The following CDH18 variants were observed in gnomAD, a reference collection of about 807,000 sequenced individuals.
CDH18 encodes the protein cadherin-18.
CDH18 carries 31 observed loss-of-function variants against 67.9 expected under a neutral mutation model. The ratio of observed to expected loss-of-function variants is 0.46; its 90% CI spans 0.34 to 0.62. The LOEUF (loss-of-function observed/expected upper bound fraction) is 0.62, where lower values mean the gene tolerates loss of function less well. CDH18 is among the 20% of genes least tolerant of loss of function. The pLI is 0.01. For synonymous variants in CDH18, 362 were observed against 347.2 expected, an observed-to-expected ratio of 1.04 and a Z score of -0.48; for missense variants, 890 against 975.5, an observed-to-expected ratio of 0.91 and a Z score of 1.17.
chr5:20,558,508 T>C (rs571568682), intron 1 of CDH18, among the ~76,000 whole-genome samples: 1 of 152,212 alleles, frequency 6.6e-6, no homozygotes, highest in African/African-American at 2.4e-5. Context: ...TGAACTGGCA[T>C]GAACCCAGGT....
chr5:19,773,939 A>G lies in CDH18; in HGVS notation c.229-26703T>C, dbSNP rs112297177. The stretch of plus-strand genomic sequence containing the variant: ...ACATTTATGAAAAGAGAAGATAAAC[A>G]CATACACCTATGAAAAGGAAAGAAT... On this transcript the variant is annotated intron_variant, in intron 3 of 12. Coordinates refer to ENST00000382275, the MANE Select transcript of CDH18 (RefSeq NM_004934.5). Among the ~76,000 whole-genome samples, 631 of 152,296 alleles carry G rather than the reference A, an allele frequency of 4.1e-3. 2 individuals carry two copies. The highest frequency in any genetic ancestry group is 0.015 in the African/African-American group (610 of 41,560).
intron 1 of CDH18, among the ~76,000 whole-genome samples, chr5:20,510,828 A>G (rs1003571238): frequency 2.0e-5 from 3 of 152,192 alleles, no homozygotes; most frequent in Non-Finnish European, 4.4e-5. Flanking sequence ...GTGTTAATGC[A>G]ATGTTATTAG....
chr5:20,407,907 A>G (rs1746428687), intron 1 of CDH18, among the ~76,000 whole-genome samples: 2 of 152,036 alleles, frequency 1.3e-5, no homozygotes, highest in Admixed American at 6.6e-5. Context: ...CAGAAATCCT[A>G]AAAGACTCTC....
intron 2 of CDH18, among the ~76,000 whole-genome samples, chr5:20,021,850 A>G (rs1738449668): frequency 6.6e-6 from 1 of 152,240 alleles, no homozygotes; most frequent in South Asian, 2.1e-4. Flanking sequence ...AAAATGGAAA[A>G]TAATATCATA....
At chr5:20,299,967 A>C (rs1241645888) in intron 1 of CDH18, among the ~76,000 whole-genome samples, 2 of 152,122 alleles carry the variant, frequency 1.3e-5, no homozygotes, top group Non-Finnish European at 2.9e-5. Flanking sequence ...AATAGGATTT[A>C]GCAAGACAGG....
intron 1 of CDH18, among the ~76,000 whole-genome samples, chr5:20,343,141 G>T (rs925602430): frequency 6.6e-6 from 1 of 152,122 alleles, no homozygotes; most frequent in Admixed American, 6.5e-5. Context: ...ACCATCAAAG[G>T]CAAGGCAAGG....
chr5:20,296,791 T>C (rs1452324209), intron 1 of CDH18, among the ~76,000 whole-genome samples: 1 of 151,866 alleles, frequency 6.6e-6, no homozygotes, highest in Non-Finnish European at 1.5e-5. Flanking sequence ...CTAGAAACCA[T>C]TGTGAGTCTT....
chr5:20,523,457 C>T (rs924486865), intron 1 of CDH18, among the ~76,000 whole-genome samples: 5 of 152,148 alleles, frequency 3.3e-5, no homozygotes, highest in African/African-American at 1.2e-4. Flanking sequence ...CATCAGACAA[C>T]CTGCCTTCAA....
intron 1 of CDH18, among the ~76,000 whole-genome samples, chr5:20,256,366 T>C (rs1727530388): frequency 6.6e-6 from 1 of 152,204 alleles, no homozygotes; most frequent in Non-Finnish European, 1.5e-5. Context: ...ATGTCCTTAG[T>C]TGACAATGTG....
At chr5:20,026,888 T>C (rs1738949485) in intron 2 of CDH18, among the ~76,000 whole-genome samples, 1 of 151,670 alleles carries the variant, frequency 6.6e-6, no homozygotes, top group Non-Finnish European at 1.5e-5. Context: ...ACCCAGGAGG[T>C]GGAGCTTGCA....
chr5:19,678,096 G>C (rs1341359858), intron 5 of CDH18, among the ~76,000 whole-genome samples: 1 of 151,858 alleles, frequency 6.6e-6, no homozygotes, highest in Non-Finnish European at 1.5e-5. Flanking sequence ...AGATATTTGA[G>C]ATCTAAAGAT....
intron 11 of CDH18, among the ~76,000 whole-genome samples, chr5:19,496,148 G>A (rs1742289878): frequency 6.6e-6 from 1 of 152,132 alleles, no homozygotes; most frequent in Admixed American, 6.6e-5. Flanking sequence ...AAAGCTAAAG[G>A]CCACTGTGAG....
chr5:19,518,226 G>T (rs1175343512), intron 10 of CDH18, among the ~76,000 whole-genome samples: 1 of 152,068 alleles, frequency 6.6e-6, no homozygotes. Flanking sequence ...ATGCTTTCAA[G>T]TATAACTTTA....
intron 5 of CDH18, among the ~76,000 whole-genome samples, chr5:19,641,511 T>C (rs909157381): frequency 3.3e-5 from 5 of 152,046 alleles, no homozygotes; most frequent in Non-Finnish European, 5.9e-5. Flanking sequence ...GTGAGATTTA[T>C]CAATTGGTTT....
At chr5:20,106,706 CAAAAT>C (rs1270333843) in intron 2 of CDH18, among the ~76,000 whole-genome samples, 1 of 152,078 alleles carries the variant, frequency 6.6e-6, no homozygotes, top group Non-Finnish European at 1.5e-5. Flanking sequence ...GATTTTATCT[CAAAAT>C]AAAGCTTCAC....
intron 1 of CDH18, among the ~76,000 whole-genome samples, chr5:20,501,505 TTTATATATATTATATACATA>T (rs1400721465): frequency 7.6e-5 from 1 of 13,112 alleles, no homozygotes; most frequent in Non-Finnish European, 2.5e-4. Context: ...ATATACATAT[TTTATATATATTATATACATA>T]TTATATATAT....
intron 2 of CDH18, among the ~76,000 whole-genome samples, chr5:20,146,202 A>G (rs1035284889): frequency 2.0e-5 from 3 of 151,872 alleles, no homozygotes; most frequent in African/African-American, 4.8e-5. Flanking sequence ...TCCTTCCTTA[A>G]CTAGTAGCCT....
intron 1 of CDH18, among the ~76,000 whole-genome samples, chr5:20,486,133 A>G (rs1418217734): frequency 5.3e-5 from 8 of 152,224 alleles, no homozygotes; most frequent in Admixed American, 5.2e-4. Flanking sequence ...TTAAAACCCC[A>G]GTTCTAATTG....
chr5:20,370,539 C>G (rs1378936839), intron 1 of CDH18, among the ~76,000 whole-genome samples: 1 of 152,152 alleles, frequency 6.6e-6, no homozygotes, highest in Non-Finnish European at 1.5e-5. Flanking sequence ...ATTATTCACT[C>G]ACTTACTAAA....
Sources: allele counts gnomAD v4.1 joint callset (sites outside exome capture counted in the v4.1 genomes callset), GRCh38; gene constraint gnomAD v4.1.1; transcripts MANE v1.5; gene names NCBI Gene and HGNC (gene_info 2026-07-23, HGNC 2026-07-21).